Variants in MELK observed in about 807,000 individuals in gnomAD.
The protein encoded by MELK is pEg3 kinase.
Under a neutral mutation model 85.0 loss-of-function variants are expected in MELK, and 81 were observed. The ratio of observed to expected loss-of-function variants is 0.95; its 90% CI spans 0.80 to 1.15. The LOEUF is 1.15. Among genes scored for constraint, MELK ranks in the 50% most tolerant of loss-of-function variants. The pLI is 0.00. For synonymous variants in MELK, 252 were observed against 265.0 expected (o/e 0.95, Z 0.48); for missense variants, 754 against 777.5 (o/e 0.97, Z 0.36).
chr9:36,636,774 T>TTCTTTCTTTCTTTCTTTCTTTCTG (rs1829211992), intron 10 of MELK, among the ~76,000 whole-genome samples: 1 of 105,902 alleles, frequency 9.4e-6, no homozygotes, highest in African/African-American at 4.5e-5. Context: ...CTTTCTTTCT[T>TTCTTTCTTTCTTTCTTTCTTTCTG]TCTTTCTTTC....
At chr9:36,606,200 T>C (rs1356710286) in intron 7 of MELK, among the ~76,000 whole-genome samples, 1 of 151,262 alleles carries the variant, frequency 6.6e-6, no homozygotes, top group Non-Finnish European at 1.5e-5. Context: ...TCTATGTATA[T>C]ATACATATAT....
At chr9:36,664,016 G>A (rs1033398922) in intron 13 of MELK, among the ~76,000 whole-genome samples, 52 of 151,934 alleles carry the variant, frequency 3.4e-4, no homozygotes, top group Admixed American at 2.8e-3. Context: ...CATCTTTCAC[G>A]TATCGTATGT....
rs1461704444 is a variant in MELK at position 36,606,434 on chromosome 9, G to C, written c.568-1141G>C. Among the ~76,000 whole-genome samples the C allele has an allele frequency of 4.0e-5, 5 of 124,254 alleles. 1 individual carries two copies. Among genetic ancestry groups the C allele is most frequent in the African/African-American group, 1.9e-4 (5 of 26,368 alleles). The allele number at this position is 124,254 out of a possible 152,430, so 81.5% of individuals were successfully genotyped here. A position where few individuals can be genotyped will look rare whatever the true frequency, so the allele number is the denominator to read the frequency against. ...TGTGTATATATATACATATGTATAG[G>C]TGTGTATATAATATATACATATGTA... On this transcript the variant is annotated intron_variant, in intron 7 of 17. Coordinates refer to ENST00000298048, the MANE Select transcript of MELK (RefSeq NM_014791.4).
chr9:36,671,955 A>G (rs866613544), intron 16 of MELK, among the ~76,000 whole-genome samples: 1 of 152,172 alleles, frequency 6.6e-6, no homozygotes, highest in Middle Eastern at 3.2e-3. Flanking sequence ...TCAGTGCTAT[A>G]GTAAAAACAC....
chr9:36,616,347 A>G (rs1826781847), intron 8 of MELK, among the ~76,000 whole-genome samples: 1 of 150,120 alleles, frequency 6.7e-6, no homozygotes, highest in Admixed American at 6.6e-5. Context: ...GAGTAGCTAG[A>G]AAGTTGGAAA....
chr9:36,656,141 G>A (rs377395136), intron 12 of MELK, among the ~76,000 whole-genome samples: 74 of 152,260 alleles, frequency 4.9e-4, no homozygotes, highest in African/African-American at 1.6e-3. Flanking sequence ...CGTTGTTAGC[G>A]CAAGACCCCA....
chr9:36,647,677 C>G (rs1231304417), intron 11 of MELK, among the ~76,000 whole-genome samples: 1 of 151,896 alleles, frequency 6.6e-6, no homozygotes, highest in Non-Finnish European at 1.5e-5. Flanking sequence ...TTTGTAGAGA[C>G]AGGGTTTTAC....
intron 13 of MELK, among the ~76,000 whole-genome samples, chr9:36,663,755 C>G (rs1832082544): frequency 6.6e-6 from 1 of 152,232 alleles, no homozygotes; most frequent in Non-Finnish European, 1.5e-5. Context: ...GTCTGTCTGT[C>G]TATCTATCTC....
chr9:36,670,623 ATATAT>A (rs1832797414), intron 15 of MELK, among the ~76,000 whole-genome samples: 1 of 151,674 alleles, frequency 6.6e-6, no homozygotes, highest in South Asian at 2.1e-4. Context: ...ATGTACATTA[ATATAT>A]TATCTATATC....
At chr9:36,608,617 T>A (rs185130038) in intron 8 of MELK, among the ~76,000 whole-genome samples, 46 of 152,178 alleles carry the variant, frequency 3.0e-4, no homozygotes, top group Admixed American at 1.9e-3. Context: ...GTTTTGCTCT[T>A]GTTGCCCAGG....
At chr9:36,616,853 G>T in intron 8 of MELK, among the ~76,000 whole-genome samples, 1 of 137,370 alleles carries the variant, frequency 7.3e-6, no homozygotes. Context: ...TACACAGATG[G>T]TAGCATACCA....
At chr9:36,625,391 G>C (rs1160423931) in intron 8 of MELK, among the ~76,000 whole-genome samples, 2 of 152,198 alleles carry the variant, frequency 1.3e-5, no homozygotes, top group Non-Finnish European at 2.9e-5. Flanking sequence ...TGGGTCTCAG[G>C]AATAAAGTAA....
At chr9:36,634,538 C>A (rs1828934072) in intron 10 of MELK, among the ~76,000 whole-genome samples, 1 of 151,644 alleles carries the variant, frequency 6.6e-6, no homozygotes, top group Non-Finnish European at 1.5e-5. Context: ...TGGTAAAACC[C>A]CATCTTTACT....
chr9:36,638,764 T>C (rs747459123), intron 10 of MELK, among the ~76,000 whole-genome samples: 4 of 152,198 alleles, frequency 2.6e-5, no homozygotes, highest in Non-Finnish European at 5.9e-5. Flanking sequence ...GTTAACTCCT[T>C]TAATCCATTT....
chr9:36,633,126 A>G lies in MELK; in HGVS notation c.760A>G (p.Met254Val), dbSNP rs146486300. 409 of 1,609,622 alleles carry G rather than the reference A, an allele frequency of 2.5e-4. 2 individuals are homozygous for G. In the African/African-American group the frequency reaches 4.7e-3, roughly 19 times the overall value. ...LQVDPKKRIS[M>V]KNLLNHPWIM... is the part of the protein sequence containing the mutation. ...GGTGGACCCAAAGAAACGGATTTCT[A>G]TGAAAAATCTATTGAACCATCCCTG... The change falls in exon 10 of 18, where the codon ATG becomes GTG. Residue 254 changes from methionine (M) to valine (V), a missense_variant. Transcript: ENST00000298048.
intron 1 of MELK, among the ~76,000 whole-genome samples, chr9:36,578,216 G>A (rs928881348): frequency 4.0e-5 from 6 of 148,762 alleles, no homozygotes. Context: ...TACTGATTTT[G>A]TATGGTGTGA....
At chr9:36,636,778 TTCTTTCTGTCTG>T (rs1293057861) in intron 10 of MELK, among the ~76,000 whole-genome samples, 25 of 82,226 alleles carry the variant, frequency 3.0e-4, no homozygotes, top group African/African-American at 1.1e-3. Flanking sequence ...CTTTCTTTCT[TTCTTTCTGTCTG>T]TCTTTCTTTC....
intron 3 of MELK, among the ~76,000 whole-genome samples, chr9:36,589,040 T>C (rs566462601): frequency 1.3e-4 from 20 of 152,222 alleles, no homozygotes; most frequent in Non-Finnish European, 2.1e-4. Context: ...ATTGAACCTG[T>C]CTTTCATAAA....
chr9:36,666,157 C>T (rs539368869), intron 14 of MELK, among the ~76,000 whole-genome samples: 86 of 152,320 alleles, frequency 5.6e-4, no homozygotes, highest in African/African-American at 2.0e-3. Context: ...GTTTCCTCTT[C>T]AATTTAGTCA....
Sources: gnomAD v4.1 joint callset for allele counts (sites outside exome capture counted in the v4.1 genomes callset) on GRCh38, gnomAD v4.1.1 for gene constraint, MANE v1.5 for transcripts, NCBI Gene and HGNC (gene_info 2026-07-23, HGNC 2026-07-21) for gene names.